The following ATF7IP variants were observed in gnomAD, a reference collection of about 807,000 sequenced individuals.
ATF7IP encodes activating transcription factor 7-interacting protein 1.
A neutral mutation model predicts 106.4 loss-of-function variants in ATF7IP; 23 were observed. The ratio of observed to expected loss-of-function variants is 0.22; its 90% CI spans 0.16 to 0.31. The LOEUF (loss-of-function observed/expected upper bound fraction) is 0.31, where lower values mean the gene tolerates loss of function less well. Ranked by LOEUF, ATF7IP falls within the 10% of genes least tolerant of loss-of-function variation. The pLI, the probability that ATF7IP is intolerant of heterozygous loss-of-function variation, is 1.00. For missense variants in ATF7IP, 1,334 were observed against 1,524.3 expected, an observed-to-expected ratio of 0.88 and a Z score of 2.08; for synonymous variants, 542 against 539.0, an observed-to-expected ratio of 1.01 and a Z score of -0.08.
At chr12:14,489,035 A>G (rs1944721978) in intron 13 of ATF7IP, among the ~76,000 whole-genome samples, 1 of 152,150 alleles carries the variant, frequency 6.6e-6, no homozygotes, top group African/African-American at 2.4e-5. Flanking sequence ...CCCATTCTGT[A>G]TTCTCTTTGC....
intron 6 of ATF7IP, among the ~76,000 whole-genome samples, chr12:14,453,975 C>G (rs1943313602): frequency 6.6e-6 from 1 of 152,126 alleles, no homozygotes; most frequent in Non-Finnish European, 1.5e-5. Context: ...TAATTCATAG[C>G]TCTCTGTTAC....
At chr12:14,494,648 A>G (rs962087970) in intron 13 of ATF7IP, among the ~76,000 whole-genome samples, 1 of 150,666 alleles carries the variant, frequency 6.6e-6, no homozygotes, top group African/African-American at 2.4e-5. Flanking sequence ...AGTTCCCACA[A>G]TAGACTGGGC....
intron 10 of ATF7IP, among the ~76,000 whole-genome samples, chr12:14,469,281 A>C (rs936359867): frequency 6.6e-6 from 1 of 150,800 alleles, no homozygotes; most frequent in African/African-American, 2.4e-5. Context: ...GATCACTTGA[A>C]CCTGGGAAGA....
intron 2 of ATF7IP, among the ~76,000 whole-genome samples, chr12:14,431,497 C>T (rs964954031): frequency 1.3e-5 from 2 of 151,732 alleles, no homozygotes; most frequent in South Asian, 2.1e-4. Context: ...CGGGTTCAAG[C>T]GACTCTCCTG....
chr12:14,481,375 A>G (rs1271334021), intron 13 of ATF7IP, 190 bp downstream of exon 13: 2 of 611,200 alleles, frequency 3.3e-6, no homozygotes, highest in African/African-American at 1.9e-5. Context: ...AATGTAGTAT[A>G]TTCTTGAAAA....
chr12:14,381,103 G>A (rs1289256296), intron 1 of ATF7IP, among the ~76,000 whole-genome samples: 1 of 152,150 alleles, frequency 6.6e-6, no homozygotes, highest in African/African-American at 2.4e-5. Flanking sequence ...GTTTTCAAAG[G>A]TGCTTGGTTC....
At chr12:14,394,296 G>A (rs796160933) in intron 1 of ATF7IP, among the ~76,000 whole-genome samples, 15 of 152,256 alleles carry the variant, frequency 9.9e-5, no homozygotes, top group African/African-American at 1.7e-4. Flanking sequence ...TTGAATTTAC[G>A]TGGTCTGTGC....
At chr12:14,443,078 C>T (rs1591871528) in intron 5 of ATF7IP, among the ~76,000 whole-genome samples, 1 of 152,124 alleles carries the variant, frequency 6.6e-6, no homozygotes, top group South Asian at 2.1e-4. Flanking sequence ...TCGCTTGAAC[C>T]CAGGAGGCGG....
intron 2 of ATF7IP, among the ~76,000 whole-genome samples, chr12:14,432,343 A>T (rs1380904591): frequency 6.6e-6 from 1 of 152,230 alleles, no homozygotes; most frequent in Non-Finnish European, 1.5e-5. Flanking sequence ...TGAGTATTAA[A>T]ATCAGAAAGA....
intron 6 of ATF7IP, among the ~76,000 whole-genome samples, chr12:14,453,150 C>A (rs113307730): frequency 2.0e-5 from 3 of 152,154 alleles, no homozygotes; most frequent in African/African-American, 7.2e-5. Flanking sequence ...TACTGTGATT[C>A]AGACAGCTTG....
chr12:14,418,343 T>C (rs1941310483), intron 1 of ATF7IP, among the ~76,000 whole-genome samples: 2 of 152,232 alleles, frequency 1.3e-5, no homozygotes, highest in South Asian at 4.1e-4. Context: ...CATCATGTTT[T>C]GCAGTTACTT....
chr12:14,461,096 T>G lies in ATF7IP; in HGVS notation c.2760T>G (p.Ser920=). ...CAATTTCTGCATTTAGTACTTCGTC[T>G]GCTGCAGAACAGAACAGCAATACCA... ...KIPISAFSTS[S]AAEQNSNTTP... The change falls in exon 9 of 15, where the codon TCT becomes TCG. Residue 920 remains serine, a synonymous_variant. Coordinates refer to ENST00000261168, the MANE Select transcript of ATF7IP (RefSeq NM_018179.5). 1.5e-5 allele frequency: 24 copies of G among 1,614,158 alleles called. No individual in the cohort carries two copies. The highest frequency in any genetic ancestry group is 2.0e-5 in the Non-Finnish European group (24 of 1,180,002).
intron 13 of ATF7IP, among the ~76,000 whole-genome samples, chr12:14,486,811 T>C (rs1469850049): frequency 6.6e-6 from 1 of 152,022 alleles, no homozygotes; most frequent in Non-Finnish European, 1.5e-5. Flanking sequence ...ATTTAAATTT[T>C]GTAGTTCAGT....
intron 13 of ATF7IP, among the ~76,000 whole-genome samples, chr12:14,492,932 G>C (rs933218598): frequency 1.6e-4 from 24 of 152,224 alleles, no homozygotes; most frequent in Middle Eastern, 3.4e-3. Flanking sequence ...ATTGGTCAAG[G>C]GTATATCTTC....
At chr12:14,383,080 T>C (rs1939063211) in intron 1 of ATF7IP, among the ~76,000 whole-genome samples, 1 of 152,206 alleles carries the variant, frequency 6.6e-6, no homozygotes, top group Admixed American at 6.5e-5. Context: ...ACAGAACCAA[T>C]GTGTGAAGGG....
At chr12:14,399,439 C>A (rs1430186149) in intron 1 of ATF7IP, among the ~76,000 whole-genome samples, 1 of 151,810 alleles carries the variant, frequency 6.6e-6, no homozygotes, top group Non-Finnish European at 1.5e-5. Context: ...TTAATATTTC[C>A]CTATAATGAT....
intron 1 of ATF7IP, among the ~76,000 whole-genome samples, chr12:14,373,124 T>C (rs531873114): frequency 6.6e-6 from 1 of 152,198 alleles, no homozygotes; most frequent in Non-Finnish European, 1.5e-5. Flanking sequence ...TAGATGTATA[T>C]CTGCCCTGTT....
intron 10 of ATF7IP, among the ~76,000 whole-genome samples, chr12:14,474,880 G>A (rs1006709571): frequency 1.4e-4 from 21 of 152,008 alleles, no homozygotes; most frequent in African/African-American, 4.3e-4. Context: ...GATGATTTTT[G>A]GGATCTTTTA....
rs199743938 is a variant in ATF7IP at position 14,452,552 on chromosome 12, C to T, written c.1996-4009C>T. On this transcript the variant is annotated intron_variant, in intron 6 of 14. Transcript: ENST00000261168. ...TTACCGTGGGGATTACATAAAACATCCTAAAGTTACAACTGTCTATGTTAA... is the reference window on the plus strand; with the variant it reads ...TTACCGTGGGGATTACATAAAACATTCTAAAGTTACAACTGTCTATGTTAA... Among the ~76,000 whole-genome samples the T allele has an allele frequency of 1.2e-4, 18 of 152,126 alleles. No individual in the cohort carries two copies. In the East Asian group the frequency reaches 3.5e-3, roughly 29 times the overall value.
Sources: allele counts gnomAD v4.1 joint callset (sites outside exome capture counted in the v4.1 genomes callset), GRCh38; gene constraint gnomAD v4.1.1; transcripts MANE v1.5; gene names NCBI Gene and HGNC (gene_info 2026-07-23, HGNC 2026-07-21).